RPTOR: variants seen among roughly 807,000 people sequenced by gnomAD.
RPTOR encodes regulatory-associated protein of mTOR.
A neutral mutation model predicts 169.9 loss-of-function variants in RPTOR; 21 were observed. The ratio of observed to expected loss-of-function variants is 0.12; its 90% CI spans 0.09 to 0.18. The LOEUF is 0.18. Ranked by LOEUF, RPTOR falls within the 10% of genes least tolerant of loss-of-function variation. RPTOR has a pLI of 1.00. For missense variants in RPTOR, 1,133 were observed against 1,855.9 expected (o/e 0.61, Z 7.16); for synonymous variants, 732 against 753.2 (o/e 0.97, Z 0.46).
intron 6 of RPTOR, among the ~76,000 whole-genome samples, chr17:80,783,479 T>A (rs1183104216): frequency 2.0e-5 from 3 of 152,266 alleles, no homozygotes; most frequent in Non-Finnish European, 4.4e-5. Flanking sequence ...TAATCATTTC[T>A]TTTTTAAAAA....
At chr17:80,892,128 A>T (rs1223819081) in intron 18 of RPTOR, among the ~76,000 whole-genome samples, 2 of 152,112 alleles carry the variant, frequency 1.3e-5, no homozygotes, top group African/African-American at 4.8e-5. Flanking sequence ...GCTTGCGGAA[A>T]AGCGCAGGGG....
At chr17:80,568,132 C>G (rs2064865913) in intron 1 of RPTOR, among the ~76,000 whole-genome samples, 1 of 152,104 alleles carries the variant, frequency 6.6e-6, no homozygotes, top group Admixed American at 6.5e-5. Context: ...TGGTCTCGAA[C>G]TCCTGGCCTC....
chr17:80,594,530 T>C (rs1321350543), intron 1 of RPTOR, among the ~76,000 whole-genome samples: 3 of 152,250 alleles, frequency 2.0e-5, no homozygotes, highest in Non-Finnish European at 4.4e-5. Flanking sequence ...TGTGCAGAAC[T>C]GTATCCCCTT....
intron 1 of RPTOR, among the ~76,000 whole-genome samples, chr17:80,546,943 C>T (rs1017043436): frequency 6.6e-6 from 1 of 152,090 alleles, no homozygotes; most frequent in Admixed American, 6.6e-5. Flanking sequence ...GTGGCAGGTG[C>T]CCGTAATCCC....
At chr17:80,638,591 CG>C (rs2065527802) in intron 2 of RPTOR, among the ~76,000 whole-genome samples, 1 of 151,762 alleles carries the variant, frequency 6.6e-6, no homozygotes, top group African/African-American at 2.4e-5. Context: ...ATTGTAGAGA[CG>C]GGGTCTCATT....
chr17:80,909,153 G>A (rs1468031), intron 21 of RPTOR, among the ~76,000 whole-genome samples: 48,463 of 152,058 alleles, frequency 0.32, 7,882 homozygotes, highest in East Asian at 0.48. Context: ...TGCCTGTCAA[G>A]GCAATTAGGG....
intron 28 of RPTOR, among the ~76,000 whole-genome samples, chr17:80,952,602 G>A (rs904997434): frequency 1.3e-5 from 2 of 152,208 alleles, no homozygotes; most frequent in African/African-American, 4.8e-5. Flanking sequence ...GTGCTTTGGA[G>A]GCTGTTTCTT....
chr17:80,886,162 G>A (rs1386201485), intron 17 of RPTOR, among the ~76,000 whole-genome samples: 4 of 152,230 alleles, frequency 2.6e-5, no homozygotes, highest in East Asian at 1.9e-4. Flanking sequence ...CATGAGACGG[G>A]CCGTGGTCCA....
intron 24 of RPTOR, among the ~76,000 whole-genome samples, chr17:80,929,930 A>C (rs887976900): frequency 6.6e-6 from 1 of 152,018 alleles, no homozygotes; most frequent in Non-Finnish European, 1.5e-5. Flanking sequence ...TCTTTATATA[A>C]ACCTGCAGCA....
chr17:80,669,080 A>C (rs1456489760), intron 3 of RPTOR, among the ~76,000 whole-genome samples: 1 of 152,116 alleles, frequency 6.6e-6, no homozygotes, highest in African/African-American at 2.4e-5. Flanking sequence ...AGGCTACCCT[A>C]AGTGTGCACC....
intron 2 of RPTOR, among the ~76,000 whole-genome samples, chr17:80,638,939 AGTCCCACAGACGCTGCAAGG>A (rs1424229584): frequency 2.0e-5 from 3 of 152,216 alleles, no homozygotes; most frequent in Non-Finnish European, 2.9e-5. Context: ...CTCCCGTCCT[AGTCCCACAGACGCTGCAAGG>A]GCCGCGGGTC....
At chr17:80,768,454 A>T (rs1283144343) in intron 6 of RPTOR, among the ~76,000 whole-genome samples, 2 of 152,132 alleles carry the variant, frequency 1.3e-5, no homozygotes, top group African/African-American at 4.8e-5. Flanking sequence ...AAGAATTAAG[A>T]CTGTGCAGTT....
chr17:80,678,997 G>A lies in RPTOR; in HGVS notation c.349-28844G>A, dbSNP rs190679001. On this transcript the variant is annotated intron_variant, in intron 3 of 33. Coordinates refer to ENST00000306801, the MANE Select transcript of RPTOR (RefSeq NM_020761.3). The stretch of plus-strand genomic sequence containing the variant: ...GTTTCTCTTCCAGGGCATTTCTCTC[G>A]CTCTTCACAAGAAGTGGCCTCTGCT... Among the ~76,000 whole-genome samples the A allele has an allele frequency of 2.1e-3, 326 of 152,302 alleles. 1 individual carries two copies. The highest frequency in any genetic ancestry group is 5.9e-3 in the Admixed American group (90 of 15,298).
chr17:80,566,637 G>A (rs889031660), intron 1 of RPTOR, among the ~76,000 whole-genome samples: 4 of 151,448 alleles, frequency 2.6e-5, no homozygotes, highest in Non-Finnish European at 4.4e-5. Context: ...TGGCTAATAC[G>A]GTGAAACCCC....
At chr17:80,862,773 T>C (rs905571352) in intron 13 of RPTOR, among the ~76,000 whole-genome samples, 8 of 152,166 alleles carry the variant, frequency 5.3e-5, no homozygotes, top group Non-Finnish European at 8.8e-5. Context: ...CTGTGACTCC[T>C]GGGGCTTGCC....
chr17:80,788,607 C>T (rs2067017099), intron 6 of RPTOR, among the ~76,000 whole-genome samples: 1 of 152,104 alleles, frequency 6.6e-6, no homozygotes, highest in Admixed American at 6.5e-5. Context: ...CTCTTTGTTT[C>T]TGGAAGCTTT....
intron 6 of RPTOR, among the ~76,000 whole-genome samples, chr17:80,761,499 G>A (rs2066736301): frequency 6.6e-6 from 1 of 152,172 alleles, no homozygotes; most frequent in African/African-American, 2.4e-5. Context: ...GGGTTTCCTG[G>A]CGCGCAGGTT....
In RPTOR at chr17:80,860,811, T is replaced by G. The variant is rs1450863003; in HGVS notation, c.1509+2911T>G. ...CTTCCGGTTCTGGGATCTCTCACTC[T>G]TTTTCTGGGCCTGGGGCACTGACCA... On this transcript the variant is annotated intron_variant, in intron 13 of 33. Coordinates refer to ENST00000306801, the MANE Select transcript of RPTOR (RefSeq NM_020761.3). This position sits in a 1 kb window ranked among gnomAD's most constrained non-coding sequence, Gnocchi z 5.8. Among the ~76,000 whole-genome samples the G allele has an allele frequency of 1.3e-5, 2 of 152,064 alleles. No homozygotes were observed. Among genetic ancestry groups the G allele is most frequent in the Non-Finnish European group, 2.9e-5 (2 of 68,028 alleles).
intron 20 of RPTOR, among the ~76,000 whole-genome samples, chr17:80,894,909 A>G (rs534696955): frequency 2.0e-5 from 3 of 152,298 alleles, no homozygotes; most frequent in Admixed American, 6.5e-5. Flanking sequence ...GCCCACTTAG[A>G]GGCCTTTACC....
Sources: gnomAD v4.1 joint callset for allele counts (sites outside exome capture counted in the v4.1 genomes callset) on GRCh38, gnomAD v4.1.1 for gene constraint, Gnocchi (gnomAD v3.1) non-coding constraint, MANE v1.5 for transcripts, NCBI Gene and HGNC (gene_info 2026-07-23, HGNC 2026-07-21) for gene names.